GLI3: variants seen among roughly 807,000 people sequenced by gnomAD.
The protein encoded by GLI3 is transcription activator GLI3.
A neutral mutation model predicts 100.8 loss-of-function variants in GLI3; 20 were observed. The observed-to-expected ratio is 0.20, with a 90% CI of 0.14 to 0.29. The LOEUF is 0.29. Among genes scored for constraint, GLI3 ranks in the 10% least tolerant of loss-of-function variants. The pLI is 1.00. For missense variants in GLI3, 2,040 were observed against 2,128.5 expected (o/e 0.96, Z 0.82); for synonymous variants, 938 against 860.5 (o/e 1.09, Z -1.58).
At chr7:42,252,028 A>C (rs1348068328) in intron 1 of GLI3, among the ~76,000 whole-genome samples, 1 of 152,204 alleles carries the variant, frequency 6.6e-6, no homozygotes, top group Non-Finnish European at 1.5e-5. Flanking sequence ...AATATAAATC[A>C]TTCTACCATA....
At chr7:42,153,926 G>A (rs917122750) in intron 2 of GLI3, among the ~76,000 whole-genome samples, 4 of 152,092 alleles carry the variant, frequency 2.6e-5, no homozygotes, top group South Asian at 2.1e-4. Flanking sequence ...GAAACTAGCC[G>A]TCATGTCCCA....
chr7:42,237,373 A>C (rs1416488178), upstream of GLI3, among the ~76,000 whole-genome samples: 1 of 151,550 alleles, frequency 6.6e-6, no homozygotes, highest in Non-Finnish European at 1.5e-5. Context: ...AAAGAAAGAA[A>C]CCCCCAGCCG....
chr7:42,042,305 C>T (rs1163202195), intron 6 of GLI3, among the ~76,000 whole-genome samples: 1 of 152,108 alleles, frequency 6.6e-6, no homozygotes, highest in Non-Finnish European at 1.5e-5. Context: ...TGAGCCACTG[C>T]GCCCACCTGT....
At chr7:42,260,414 T>A (rs546017184) in intron 1 of GLI3, among the ~76,000 whole-genome samples, 2 of 152,310 alleles carry the variant, frequency 1.3e-5, no homozygotes, top group East Asian at 1.9e-4. Flanking sequence ...TCTGGTAAGA[T>A]GACCATAACA....
intron 2 of GLI3, among the ~76,000 whole-genome samples, chr7:42,222,333 T>C (rs1461296120): frequency 6.6e-6 from 1 of 152,030 alleles, no homozygotes; most frequent in Non-Finnish European, 1.5e-5. Context: ...TAAAGGCCCA[T>C]GGAAAAGCAG....
At chr7:42,078,699 A>G (rs1417890645) in intron 3 of GLI3, among the ~76,000 whole-genome samples, 1 of 150,596 alleles carries the variant, frequency 6.6e-6, no homozygotes, top group Non-Finnish European at 1.5e-5. Flanking sequence ...GGTGAGGGAT[A>G]TACTAATGAC....
intron 2 of GLI3, among the ~76,000 whole-genome samples, chr7:42,156,328 A>G (rs924294312): frequency 3.9e-5 from 6 of 152,214 alleles, no homozygotes; most frequent in African/African-American, 1.2e-4. Flanking sequence ...CGCTGCTTAC[A>G]CAGAGTGAGT....
At chr7:42,045,237 G>A in intron 6 of GLI3, 147 bp downstream of exon 6, 1 of 839,524 alleles carries the variant, frequency 1.2e-6, no homozygotes, top group Non-Finnish European at 2.0e-6. Flanking sequence ...GAAAACGAAG[G>A]GAACCAGAGC....
chr7:42,095,859 G>A (rs1785326170), intron 3 of GLI3, among the ~76,000 whole-genome samples: 1 of 152,140 alleles, frequency 6.6e-6, no homozygotes, highest in Non-Finnish European at 1.5e-5. Flanking sequence ...AGGAGTGGAT[G>A]GTGACATCAG....
intron 1 of GLI3, among the ~76,000 whole-genome samples, chr7:42,255,253 C>T (rs1234864196): frequency 2.0e-5 from 3 of 152,102 alleles, no homozygotes; most frequent in Non-Finnish European, 4.4e-5. Context: ...TGACCCTCTC[C>T]ATCTAATTTG....
At chr7:42,188,908 T>C (rs1787772142) in intron 2 of GLI3, among the ~76,000 whole-genome samples, 1 of 152,180 alleles carries the variant, frequency 6.6e-6, no homozygotes, top group Non-Finnish European at 1.5e-5. Context: ...AATACTATAA[T>C]GGCAGATACA....
At chr7:42,145,484 A>C (rs1304281816) in intron 3 of GLI3, 2 of 398,388 alleles carry the variant, frequency 5.0e-6, no homozygotes, top group Non-Finnish European at 8.8e-6. Flanking sequence ...GACTGAGAAA[A>C]GATTATGTTC....
chr7:42,183,287 T>C (rs1187687768), intron 2 of GLI3, among the ~76,000 whole-genome samples: 2 of 152,120 alleles, frequency 1.3e-5, no homozygotes, highest in African/African-American at 4.8e-5. Context: ...ATAAACACTA[T>C]CATATTGGTG....
At chr7:42,090,408 CTT>C (rs1443972832) in intron 3 of GLI3, among the ~76,000 whole-genome samples, 2 of 152,224 alleles carry the variant, frequency 1.3e-5, no homozygotes, top group Middle Eastern at 3.2e-3. Flanking sequence ...GGACCACTGT[CTT>C]ACATGTGGTC....
intron 4 of GLI3, among the ~76,000 whole-genome samples, chr7:42,072,997 G>A (rs1219925034): frequency 6.6e-6 from 1 of 152,162 alleles, no homozygotes; most frequent in Non-Finnish European, 1.5e-5. Context: ...GAAACGGGAA[G>A]ATTCCTCATA....
chr7:42,120,601 T>C (rs1351129266), intron 3 of GLI3, among the ~76,000 whole-genome samples: 1 of 152,196 alleles, frequency 6.6e-6, no homozygotes, highest in Non-Finnish European at 1.5e-5. Context: ...CTTGATGTCT[T>C]GTAGAGGGGA....
chr7:42,177,029 C>G (rs933109902), intron 2 of GLI3, among the ~76,000 whole-genome samples: 1 of 152,196 alleles, frequency 6.6e-6, no homozygotes, highest in African/African-American at 2.4e-5. Context: ...CCATCCCTGT[C>G]TAATTCACCT....
intron 3 of GLI3, among the ~76,000 whole-genome samples, chr7:42,080,265 T>A (rs3801169): frequency 0.41 from 61,640 of 152,116 alleles, 13,903 homozygotes; most frequent in Admixed American, 0.57. Context: ...GAGTCCACAG[T>A]ATTCTATGAA....
chr7:42,184,077 C>T lies in GLI3; in HGVS notation c.125-35609G>A, dbSNP rs572374235. Among the ~76,000 whole-genome samples, 29 of 152,334 alleles carry T rather than the reference C, an allele frequency of 1.9e-4. 1 individual carries two copies. In the South Asian group the frequency reaches 5.8e-3, roughly 30 times the overall value. On this transcript the variant is annotated intron_variant, in intron 2 of 14. Transcript: ENST00000395925. ...TGATAGGATTACCGAGGATTAGATGCGTCACTCATGCAAAACACTCAGAAT... is the reference window on the plus strand; with the variant it reads ...TGATAGGATTACCGAGGATTAGATGTGTCACTCATGCAAAACACTCAGAAT...
Sources: allele counts gnomAD v4.1 joint callset (sites outside exome capture counted in the v4.1 genomes callset), GRCh38; gene constraint gnomAD v4.1.1; transcripts MANE v1.5; gene names NCBI Gene and HGNC (gene_info 2026-07-23, HGNC 2026-07-21).